CSMD2: variants seen among roughly 807,000 people sequenced by gnomAD.
CSMD2 encodes the protein CUB and Sushi multiple domains 2.
CSMD2 carries 130 observed loss-of-function variants against 398.5 expected under a neutral mutation model. That is an observed-to-expected ratio of 0.33 (90% CI 0.28 to 0.38). The LOEUF is 0.38. CSMD2 is among the 10% of genes least tolerant of loss of function. CSMD2 has a pLI of 1.00. For synonymous variants in CSMD2, 1,828 were observed against 1,908.5 expected, an observed-to-expected ratio of 0.96 and a Z score of 1.10; for missense variants, 3,829 against 4,764.9, an observed-to-expected ratio of 0.80 and a Z score of 5.78.
At chr1:33,804,734 C>T (rs775682938) in intron 10 of CSMD2, 9 of 717,254 alleles carry the variant, frequency 1.3e-5, no homozygotes, top group African/African-American at 8.7e-5. Context: ...CTTGGATACA[C>T]CTGTATCTCA....
intron 47 of CSMD2, among the ~76,000 whole-genome samples, chr1:33,581,793 C>T (rs962541300): frequency 6.6e-6 from 1 of 152,024 alleles, no homozygotes; most frequent in African/African-American, 2.4e-5. Context: ...CTGGATAACC[C>T]ATAACACAGG....
At chr1:33,666,737 G>C (rs1038335356) in intron 25 of CSMD2, among the ~76,000 whole-genome samples, 3 of 152,068 alleles carry the variant, frequency 2.0e-5, no homozygotes, top group Non-Finnish European at 4.4e-5. Flanking sequence ...CCCTAGGACA[G>C]AGCACAAACA....
At chr1:34,146,747 A>G (rs1264714104) in intron 1 of CSMD2, among the ~76,000 whole-genome samples, 3 of 152,250 alleles carry the variant, frequency 2.0e-5, no homozygotes, top group Non-Finnish European at 4.4e-5. Context: ...GTGAAGATGC[A>G]TGAAGCAATT....
In CSMD2 at chr1:34,163,995, G is replaced by A. The variant is rs916420452; in HGVS notation, c.187+916C>T. Among the ~76,000 whole-genome samples the A allele has an allele frequency of 6.6e-6, 1 of 152,074 alleles. No homozygotes were observed. The highest frequency in any genetic ancestry group is 2.4e-5 in the African/African-American group (1 of 41,418). On this transcript the variant is annotated intron_variant, in intron 1 of 70. Transcript: ENST00000373381. This position sits in a 1 kb window ranked among gnomAD's most constrained non-coding sequence, Gnocchi z 5.4. ...TGCAGCCAGACACCCGCGAAGTTCCGGGACTCTCCGCACCCGCTAGATCTG... is the reference window on the plus strand; with the variant it reads ...TGCAGCCAGACACCCGCGAAGTTCCAGGACTCTCCGCACCCGCTAGATCTG...
intron 9 of CSMD2, among the ~76,000 whole-genome samples, chr1:33,818,596 GATTTTTTAA>G (rs2124990449): frequency 6.6e-6 from 1 of 152,218 alleles, no homozygotes; most frequent in East Asian, 1.9e-4. Context: ...TTTGTTGTTT[GATTTTTTAA>G]AAACATAGTA....
intron 2 of CSMD2, among the ~76,000 whole-genome samples, chr1:34,051,345 C>T (rs1013860891): frequency 3.3e-5 from 5 of 152,078 alleles, no homozygotes; most frequent in Admixed American, 6.5e-5. Context: ...GTTATAAATA[C>T]CAGCTGTGAC....
chr1:33,519,942 G>A lies in CSMD2; in HGVS notation c.10606C>T (p.Leu3536=). ...QFGFQRLDLR[L]LESDPESIGR... is the part of the protein sequence containing the mutation. Reference sequence around the variant, plus strand: ...ATGGACTCGGGGTCTGACTCCAGCAGCCTGAGGTCTGTAAAGTCCCAAAGC... The same window carrying A: ...ATGGACTCGGGGTCTGACTCCAGCAACCTGAGGTCTGTAAAGTCCCAAAGC... The change falls in exon 69 of 71, where the codon CTG becomes TTG. Residue 3536 remains leucine, a synonymous_variant. Transcript: ENST00000373381. The surrounding 1 kb of genome is among the most constrained non-coding windows in gnomAD (Gnocchi z 5.6). 1 of 1,614,160 alleles carries A rather than the reference G, an allele frequency of 6.2e-7. No homozygotes were observed. The highest frequency in any genetic ancestry group is 2.2e-5 in the East Asian group (1 of 44,882).
intron 6 of CSMD2, among the ~76,000 whole-genome samples, chr1:33,837,368 T>C (rs1322447889): frequency 6.7e-6 from 1 of 150,312 alleles, no homozygotes; most frequent in Non-Finnish European, 1.5e-5. Context: ...TGGGATATAT[T>C]CATTCATGTT....
chr1:33,595,376 C>T (rs1032857021), intron 44 of CSMD2, among the ~76,000 whole-genome samples: 6 of 152,162 alleles, frequency 3.9e-5, no homozygotes, highest in African/African-American at 1.4e-4. Flanking sequence ...CTCACTGCAT[C>T]CTCTCACCTG....
chr1:33,893,682 A>G (rs991687247), intron 5 of CSMD2, among the ~76,000 whole-genome samples: 8 of 152,264 alleles, frequency 5.3e-5, no homozygotes, highest in Non-Finnish European at 8.8e-5. Flanking sequence ...GAGCACAGCC[A>G]GAAACATACA....
At chr1:33,713,097 G>A (rs1404250992) in intron 21 of CSMD2, among the ~76,000 whole-genome samples, 1 of 152,250 alleles carries the variant, frequency 6.6e-6, no homozygotes, top group Non-Finnish European at 1.5e-5. Context: ...TAAAGCCTGT[G>A]AATTGGATGC....
intron 5 of CSMD2, among the ~76,000 whole-genome samples, chr1:33,891,311 C>T (rs1642001805): frequency 6.6e-6 from 1 of 151,506 alleles, no homozygotes; most frequent in South Asian, 2.1e-4. Flanking sequence ...CTCACCATCA[C>T]TGGCCATCAG....
chr1:34,156,338 G>C (rs963615348), intron 1 of CSMD2, among the ~76,000 whole-genome samples: 1 of 152,026 alleles, frequency 6.6e-6, no homozygotes, highest in Admixed American at 6.6e-5. Flanking sequence ...GCAGCAACCT[G>C]AAGACAAACC....
At chr1:33,592,519 G>A (rs531118359) in intron 44 of CSMD2, 14 of 717,284 alleles carry the variant, frequency 2.0e-5, no homozygotes, top group Non-Finnish European at 3.6e-5. Context: ...AACATTATGA[G>A]TGGCACAGGC....
At chr1:33,626,896 G>A (rs971578498) in intron 32 of CSMD2, among the ~76,000 whole-genome samples, 7 of 152,224 alleles carry the variant, frequency 4.6e-5, no homozygotes, top group African/African-American at 1.7e-4. Context: ...CCGGAAAGGA[G>A]AAGGCTGCTA....
chr1:33,711,828 C>G (rs754180467), intron 21 of CSMD2, among the ~76,000 whole-genome samples: 1 of 152,154 alleles, frequency 6.6e-6, no homozygotes, highest in East Asian at 1.9e-4. Flanking sequence ...GATACCTTTA[C>G]GAGGAGGGGC....
chr1:33,519,730 C>A lies in CSMD2; in HGVS notation c.10737-53G>T. 2 of 1,613,398 alleles carry A rather than the reference C, an allele frequency of 1.2e-6. No individual in the cohort carries two copies. Among genetic ancestry groups the A allele is most frequent in the Non-Finnish European group, 1.7e-6 (2 of 1,179,506 alleles). ...GCATGAAAAGAGCGACACAGAGAGG[C>A]TTAGGGGTCTGGTGCGGGGGGCCCT... On this transcript the variant is annotated intron_variant, in intron 69 of 70. Transcript: ENST00000373381. This position sits in a 1 kb window ranked among gnomAD's most constrained non-coding sequence, Gnocchi z 5.6.
chr1:33,706,061 A>G (rs370968627), intron 22 of CSMD2, among the ~76,000 whole-genome samples: 140 of 152,128 alleles, frequency 9.2e-4, no homozygotes, highest in African/African-American at 3.0e-3. Flanking sequence ...ATTATGTTAC[A>G]TTATTCAAGC....
intron 2 of CSMD2, among the ~76,000 whole-genome samples, chr1:34,048,357 A>C (rs1652788440): frequency 6.6e-6 from 1 of 152,186 alleles, no homozygotes; most frequent in South Asian, 2.1e-4. Flanking sequence ...AGGAGGTTTG[A>C]TGGAACAGCT....
Sources: allele counts gnomAD v4.1 joint callset (sites outside exome capture counted in the v4.1 genomes callset), GRCh38; gene constraint gnomAD v4.1.1; non-coding constraint Gnocchi (gnomAD v3.1); transcripts MANE v1.5; gene names NCBI Gene and HGNC (gene_info 2026-07-23, HGNC 2026-07-21).